POPDC1: variants seen among roughly 807,000 people sequenced by gnomAD.
The protein encoded by POPDC1 is popeye domain cAMP effector 1.
chr6:105,110,306 A>G, the POPDC1 span, among the ~76,000 whole-genome samples: 1 of 152,214 alleles, frequency 6.6e-6, no homozygotes, highest in Non-Finnish European at 1.5e-5. Flanking sequence ...TTACTCATCT[A>G]TAAAATGAGG....
chr6:105,114,814 T>C, the POPDC1 span, among the ~76,000 whole-genome samples: 1 of 152,250 alleles, frequency 6.6e-6, no homozygotes, highest in Non-Finnish European at 1.5e-5. Flanking sequence ...GGCGTGTGAA[T>C]GAGGTAGCTC....
chr6:105,133,256 A>T, the POPDC1 span: 1 of 1,085,956 alleles, frequency 9.2e-7, no homozygotes, highest in South Asian at 1.6e-5. Context: ...TTGGCTTGCT[A>T]TGGGCCTGAC....
At chr6:105,126,640 A>G in the POPDC1 span, among the ~76,000 whole-genome samples, 1 of 152,204 alleles carries the variant, frequency 6.6e-6, no homozygotes, top group African/African-American at 2.4e-5. Context: ...CACACACACA[A>G]AAAATTTACT....
At chr6:105,133,530 A>C in the POPDC1 span, 3 of 1,613,722 alleles carry the variant, frequency 1.9e-6, no homozygotes, top group Admixed American at 5.0e-5. Context: ...CAGGTGTAAA[A>C]CCTATGGCAG....
the POPDC1 span, chr6:105,133,627 G>T: frequency 7.0e-7 from 1 of 1,428,038 alleles, no homozygotes; most frequent in South Asian, 1.3e-5. Flanking sequence ...TCGTAAAAAT[G>T]GCAATTGTAT....
At chr6:105,122,649 A>G in the POPDC1 span, among the ~76,000 whole-genome samples, 1 of 152,218 alleles carries the variant, frequency 6.6e-6, no homozygotes, top group Non-Finnish European at 1.5e-5. Context: ...ACAGAGAAAT[A>G]CAGGCAAAAG....
At chr6:105,111,817 C>A in the POPDC1 span, among the ~76,000 whole-genome samples, 1 of 152,210 alleles carries the variant, frequency 6.6e-6, no homozygotes, top group Non-Finnish European at 1.5e-5. Context: ...TAGTTTCCCT[C>A]CACCTTTTTC....
chr6:105,124,510 T>G, the POPDC1 span: 1 of 1,392,594 alleles, frequency 7.2e-7, no homozygotes, highest in Admixed American at 1.7e-5. Flanking sequence ...AGATGCAAAC[T>G]AGTTTCAATC....
the POPDC1 span, among the ~76,000 whole-genome samples, chr6:105,123,106 A>G: frequency 6.6e-6 from 1 of 152,148 alleles, no homozygotes; most frequent in Non-Finnish European, 1.5e-5. Flanking sequence ...GAGACTCTAA[A>G]ATAAGATTCT....
the POPDC1 span, chr6:105,125,555 ACTGAGTTCCTTTTCAATCTTTAC>A: frequency 6.2e-7 from 1 of 1,613,978 alleles, no homozygotes; most frequent in Non-Finnish European, 8.5e-7. Context: ...GGTACATGCC[ACTGAGTTCCTTTTCAATCTTTAC>A]CTGAAATGCA....
At chr6:105,115,956 G>GTATTCT in the POPDC1 span, 1 of 773,804 alleles carries the variant, frequency 1.3e-6, no homozygotes, top group Non-Finnish European at 1.9e-6. Flanking sequence ...TACATATTAG[G>GTATTCT]TGGCCAATAA....
the POPDC1 span, among the ~76,000 whole-genome samples, chr6:105,133,189 G>T: frequency 2.0e-5 from 3 of 152,136 alleles, no homozygotes; most frequent in African/African-American, 7.2e-5. Context: ...GCATGTGAAG[G>T]CCTATGCTCT....
At chr6:105,103,184 T>C in the POPDC1 span, among the ~76,000 whole-genome samples, 1 of 152,200 alleles carries the variant, frequency 6.6e-6, no homozygotes, top group Non-Finnish European at 1.5e-5. Context: ...ATAGGAATAA[T>C]AAGAACAGCA....
chr6:105,120,123 G>C, the POPDC1 span, among the ~76,000 whole-genome samples: 12 of 16,336 alleles, frequency 7.3e-4, 5 homozygotes, highest in African/African-American at 1.4e-3. Context: ...GCCGGGCGTA[G>C]TGGCGGGCGC....
At chr6:105,107,257 A>C in the POPDC1 span, among the ~76,000 whole-genome samples, 1 of 152,166 alleles carries the variant, frequency 6.6e-6, no homozygotes, top group Non-Finnish European at 1.5e-5. Context: ...TAATGAGAGG[A>C]GGCCTTTTCA....
At chr6:105,131,803 T>A in the POPDC1 span, among the ~76,000 whole-genome samples, 1 of 150,764 alleles carries the variant, frequency 6.6e-6, no homozygotes, top group African/African-American at 2.4e-5. Flanking sequence ...TGTCTTAAAA[T>A]TCATAATTGA....
At chr6:105,108,632 G>A in the POPDC1 span, among the ~76,000 whole-genome samples, 4 of 152,208 alleles carry the variant, frequency 2.6e-5, no homozygotes, top group Non-Finnish European at 2.9e-5. Flanking sequence ...AAGGCATAAA[G>A]TAAACCGTGG....
chr6:105,111,366 G>A, the POPDC1 span, among the ~76,000 whole-genome samples: 4 of 152,306 alleles, frequency 2.6e-5, no homozygotes, highest in African/African-American at 7.2e-5. Flanking sequence ...CATGAAGGGA[G>A]CTAAGAAGGA....
the POPDC1 span, among the ~76,000 whole-genome samples, chr6:105,127,589 G>A: frequency 2.0e-5 from 3 of 151,956 alleles, no homozygotes; most frequent in African/African-American, 4.8e-5. Flanking sequence ...ACAGGTGTGT[G>A]CTACCGCATC....
Sources: gnomAD v4.1 joint callset for allele counts (sites outside exome capture counted in the v4.1 genomes callset) on GRCh38, gnomAD v4.1.1 for gene constraint, MANE v1.5 for transcripts, NCBI Gene and HGNC (gene_info 2026-07-23, HGNC 2026-07-21) for gene names.